PGR: variants seen among roughly 807,000 people sequenced by gnomAD.
PGR encodes nuclear receptor subfamily 3 group C member 3.
A neutral mutation model predicts 76.1 loss-of-function variants in PGR; 25 were observed. That is an observed-to-expected ratio of 0.33 (90% CI 0.24 to 0.46). The LOEUF (loss-of-function observed/expected upper bound fraction) is 0.46. PGR is among the 20% of genes least tolerant of loss of function. PGR has a pLI of 1.00. For synonymous variants in PGR, 579 were observed against 535.0 expected (o/e 1.08, Z -1.14); for missense variants, 1,172 against 1,225.3 (o/e 0.96, Z 0.65).
At chr11:101,066,545 C>T (rs11571208) in intron 3 of PGR, among the ~76,000 whole-genome samples, 2,552 of 152,218 alleles carry the variant, frequency 0.017, 44 homozygotes, top group Non-Finnish European at 0.024. Flanking sequence ...AATTTACAGT[C>T]CTAGACCCAG....
intron 3 of PGR, among the ~76,000 whole-genome samples, chr11:101,075,108 A>T (rs1315953602): frequency 1.3e-5 from 2 of 152,206 alleles, no homozygotes; most frequent in African/African-American, 4.8e-5. Flanking sequence ...ACAGCATGGT[A>T]CTGGTACCAA....
chr11:101,117,060 G>A (rs1172191495), intron 2 of PGR, among the ~76,000 whole-genome samples: 1 of 152,102 alleles, frequency 6.6e-6, no homozygotes, highest in Non-Finnish European at 1.5e-5. Context: ...ATGTAATACT[G>A]CAATAAACAT....
chr11:101,089,350 T>C (rs1861600260), intron 3 of PGR, among the ~76,000 whole-genome samples: 1 of 152,222 alleles, frequency 6.6e-6, no homozygotes, highest in Non-Finnish European at 1.5e-5. Flanking sequence ...AGAAAAATTA[T>C]AACTGGCATA....
chr11:101,082,901 C>T (rs568732082), intron 3 of PGR, among the ~76,000 whole-genome samples: 4 of 152,306 alleles, frequency 2.6e-5, no homozygotes, highest in African/African-American at 9.6e-5. Context: ...GCAATTCAAG[C>T]CTGCTGCAGA....
chr11:101,035,147 ATT>A lies in PGR; in HGVS notation c.*3967_*3968del, dbSNP rs554813384. The A allele has an allele frequency of 1.3e-3, 277 of 212,174 alleles. No homozygotes were observed. Among genetic ancestry groups the A allele is most frequent in the African/African-American group, 6.0e-3 (268 of 44,310 alleles). 13.1% of individuals were successfully genotyped at this position (212,174 alleles called of 1,614,324 possible). A position where few individuals can be genotyped will look rare whatever the true frequency, so the allele number is the denominator to read the frequency against. ...ACTTTGGGAAAAACAAACTTATGCC[ATT>A]ACTTGTCTCCTTGTCCACTTCACTT... is the stretch of plus-strand genomic sequence containing the variant. On this transcript the variant is annotated 3_prime_UTR_variant, in exon 8 of 8. Transcript: ENST00000325455.
chr11:101,115,263 CT>C (rs1808392490), intron 2 of PGR, among the ~76,000 whole-genome samples: 1 of 151,918 alleles, frequency 6.6e-6, no homozygotes, highest in African/African-American at 2.4e-5. Context: ...GCATGCTATC[CT>C]TTCCATAAAA....
intron 3 of PGR, among the ~76,000 whole-genome samples, chr11:101,079,944 G>T (rs919021710): frequency 6.6e-6 from 1 of 152,168 alleles, no homozygotes; most frequent in African/African-American, 2.4e-5. Context: ...TGAATCAGGA[G>T]CTTAGGATGC....
chr11:101,049,131 A>T (rs1331708174), intron 6 of PGR, among the ~76,000 whole-genome samples: 1 of 150,324 alleles, frequency 6.7e-6, no homozygotes, highest in Non-Finnish European at 1.5e-5. Context: ...AAAAACTAAT[A>T]CCCAAAACAC....
At position 101,031,203 on chromosome 11, in the gene PGR, A is replaced by G; in HGVS notation, c.*7913T>C. On this transcript the variant is annotated 3_prime_UTR_variant, in exon 8 of 8. Transcript: ENST00000325455. ...AGTTAGCAAAGTCCCAGCACTCTGC[A>G]GTGCTGAAGCTGAAAGAATAGATAA... 1 of 218,344 alleles carries G rather than the reference A, an allele frequency of 4.6e-6. No homozygotes were observed. The highest frequency in any genetic ancestry group is 6.7e-5 in the East Asian group (1 of 14,926). The allele number at this position is 218,344 out of a possible 1,614,324, so 13.5% of individuals were successfully genotyped here.
At chr11:101,069,998 T>TA (rs757574197) in intron 3 of PGR, among the ~76,000 whole-genome samples, 118 of 142,558 alleles carry the variant, frequency 8.3e-4, no homozygotes, top group Admixed American at 9.8e-4. Context: ...GAACTTAAAT[T>TA]AAAAAAAAAA....
At chr11:101,118,981 C>A (rs1008090154) in intron 2 of PGR, among the ~76,000 whole-genome samples, 1 of 152,130 alleles carries the variant, frequency 6.6e-6, no homozygotes, top group East Asian at 1.9e-4. Context: ...ACAATTTTTC[C>A]ATGGATGGTG....
At chr11:101,070,310 C>T (rs1476808444) in intron 3 of PGR, among the ~76,000 whole-genome samples, 2 of 152,178 alleles carry the variant, frequency 1.3e-5, no homozygotes, top group African/African-American at 4.8e-5. Flanking sequence ...TATGCTTTCC[C>T]CATGGTCTTT....
At chr11:101,048,460 A>G (rs921429264) in intron 6 of PGR, among the ~76,000 whole-genome samples, 7 of 152,156 alleles carry the variant, frequency 4.6e-5, no homozygotes, top group African/African-American at 7.2e-5. Context: ...TAGATGGTAT[A>G]GACTACTATA....
chr11:101,059,756 T>A (rs1278952588), intron 4 of PGR, among the ~76,000 whole-genome samples: 1 of 142,136 alleles, frequency 7.0e-6, no homozygotes, highest in Admixed American at 7.7e-5. Flanking sequence ...GGTGGTAGGA[T>A]AACTTGAGAC....
Position 101,128,764 on chromosome 11 carries a change from G to A in PGR, c.307C>T (p.Pro103Ser), listed in dbSNP as rs369804923. 24 of 1,613,790 alleles carry A rather than the reference G, an allele frequency of 1.5e-5. 1 individual carries two copies. The highest frequency in any genetic ancestry group is 1.2e-4 in the African/African-American group (9 of 74,956). The stretch of plus-strand genomic sequence containing the variant: ...AGCAGTCCGCTGTCCTTTTCTGGGG[G>A]ACTAGAACTGCTGCCTCCAGCACCC... ...TRGAGGSSSSPPEKDSGLLDS... is the reference protein window; with the variant it reads ...TRGAGGSSSSSPEKDSGLLDS... The change falls in exon 1 of 8, where the codon CCC becomes TCC. Residue 103 changes from proline (P) to serine (S), a missense_variant. Coordinates refer to ENST00000325455, the MANE Select transcript of PGR (RefSeq NM_000926.4).
chr11:101,107,140 A>G (rs1862189300), intron 2 of PGR, among the ~76,000 whole-genome samples: 1 of 152,174 alleles, frequency 6.6e-6, no homozygotes, highest in Non-Finnish European at 1.5e-5. Flanking sequence ...GCAGCAAACC[A>G]CCATGGCACG....
At chr11:101,070,794 A>T (rs937726833) in intron 3 of PGR, among the ~76,000 whole-genome samples, 4 of 152,190 alleles carry the variant, frequency 2.6e-5, no homozygotes, top group African/African-American at 9.7e-5. Flanking sequence ...TGGGCAGGGC[A>T]TCTCTGAAAG....
intron 3 of PGR, among the ~76,000 whole-genome samples, chr11:101,090,077 G>A (rs1340940586): frequency 6.6e-6 from 1 of 152,006 alleles, no homozygotes; most frequent in Non-Finnish European, 1.5e-5. Flanking sequence ...GGGTGCCTAT[G>A]ATACCAGCTA....
Position 101,128,153 on chromosome 11 carries a change from C to T in PGR, c.918G>A (p.Val306=), listed in dbSNP as rs1180073013. Residue 306 remains valine (V), a synonymous_variant, in exon 1 of 8, where the codon GTG becomes GTA. Coordinates refer to ENST00000325455, the MANE Select transcript of PGR (RefSeq NM_000926.4). ...AGGCGTGATTGAGAGGCAGGATAGGCACGTGGATGAAATCCATCACCGTGG... is the reference window on the plus strand; with the variant it reads ...AGGCGTGATTGAGAGGCAGGATAGGTACGTGGATGAAATCCATCACCGTGG... ...LATTVMDFIH[V]PILPLNHALL... 5.6e-6 allele frequency: 9 copies of T among 1,597,912 alleles called. No homozygotes were observed. Among genetic ancestry groups the T allele is most frequent in the Non-Finnish European group, 6.8e-6 (8 of 1,179,672 alleles).
Sources: gnomAD v4.1 joint callset for allele counts (sites outside exome capture counted in the v4.1 genomes callset) on GRCh38, gnomAD v4.1.1 for gene constraint, MANE v1.5 for transcripts, NCBI Gene and HGNC (gene_info 2026-07-23, HGNC 2026-07-21) for gene names.